Variants in RPS6KA2 observed in about 807,000 individuals in gnomAD.
RPS6KA2 encodes the protein ribosomal protein S6 kinase A2.
In RPS6KA2, 42 loss-of-function variants were observed where a neutral mutation model predicts 91.8. That is an observed-to-expected ratio of 0.46 (90% CI 0.36 to 0.59). The LOEUF is 0.59. RPS6KA2 is among the 20% of genes least tolerant of loss of function. The probability of loss-of-function intolerance (pLI) is 0.00; values close to 1 mark genes in which losing one functional copy is unlikely to be tolerated. For synonymous variants in RPS6KA2, 414 were observed against 393.6 expected, an observed-to-expected ratio of 1.05 and a Z score of -0.61; for missense variants, 798 against 978.5, an observed-to-expected ratio of 0.82 and a Z score of 2.46.
At chr6:166,781,556 G>T (rs545174268) in intron 2 of RPS6KA2, among the ~76,000 whole-genome samples, 1 of 152,098 alleles carries the variant, frequency 6.6e-6, no homozygotes, top group South Asian at 2.1e-4. Flanking sequence ...ACCCAGGACT[G>T]CATGCATGCA....
chr6:166,634,525 G>A (rs1027829414), intron 2 of RPS6KA2, among the ~76,000 whole-genome samples: 3 of 152,174 alleles, frequency 2.0e-5, no homozygotes, highest in African/African-American at 7.2e-5. Flanking sequence ...TTGCAAAACT[G>A]TCAGGTTTTA....
chr6:166,652,187 G>A (rs1787874349), intron 2 of RPS6KA2, among the ~76,000 whole-genome samples: 2 of 152,252 alleles, frequency 1.3e-5, no homozygotes, highest in Admixed American at 6.5e-5. Flanking sequence ...CATGTGGCAT[G>A]AGCCATTCGC....
Position 166,412,535 on chromosome 6 carries a change from C to T in RPS6KA2, c.*227G>A, listed in dbSNP as rs1474996718. On this transcript the variant is annotated 3_prime_UTR_variant, in exon 21 of 21. Coordinates refer to ENST00000265678, the MANE Select transcript of RPS6KA2 (RefSeq NM_021135.6). This position sits in a 1 kb window ranked among gnomAD's most constrained non-coding sequence, Gnocchi z 4.3. ...AGGTGAAGGGGCGCATTTGGTTTCG[C>T]TTGGGAGAAAAGAGAGCGGGCGGGG... 1.4e-5 allele frequency: 6 copies of T among 415,768 alleles called. No individual in the cohort carries two copies. The highest frequency in any genetic ancestry group is 2.5e-5 in the Non-Finnish European group (6 of 235,516). The allele number at this position is 415,768 out of a possible 1,614,324, so 25.8% of individuals were successfully genotyped here. A position where few individuals can be genotyped will look rare whatever the true frequency, so the allele number is the denominator to read the frequency against.
intron 14 of RPS6KA2, among the ~76,000 whole-genome samples, chr6:166,438,023 A>G (rs1455197097): frequency 1.3e-5 from 2 of 152,032 alleles, no homozygotes; most frequent in Non-Finnish European, 2.9e-5. Flanking sequence ...CTTGCAGAAC[A>G]CTCCCACTAG....
rs967805528 is a variant in RPS6KA2 at position 166,796,361 on chromosome 6, C to A, written c.123+61839G>T. Reference sequence around the variant, plus strand: ...ATCCCAGCACTTTGGGAGGCCGAGGCGGGCGGATCACGAGGTCAAGAGATA... The same window carrying A: ...ATCCCAGCACTTTGGGAGGCCGAGGAGGGCGGATCACGAGGTCAAGAGATA... On this transcript the variant is annotated intron_variant, in intron 2 of 21. Coordinates refer to the RPS6KA2 transcript ENST00000503859. Among the ~76,000 whole-genome samples, 3 of 152,248 alleles carry A rather than the reference C, an allele frequency of 2.0e-5. 1 individual carries two copies. The highest frequency in any genetic ancestry group is 4.4e-5 in the Non-Finnish European group (3 of 68,008).
chr6:166,451,331 C>T, intron 12 of RPS6KA2, 98 bp from the exon 13 acceptor site: 1 of 1,153,426 alleles, frequency 8.7e-7, no homozygotes, highest in Non-Finnish European at 1.2e-6. Flanking sequence ...GTGTGCAAGT[C>T]CGTGTGTGTG....
At chr6:166,562,289 C>T (rs905802030) in intron 1 of RPS6KA2, among the ~76,000 whole-genome samples, 4 of 152,124 alleles carry the variant, frequency 2.6e-5, no homozygotes, top group Non-Finnish European at 4.4e-5. Flanking sequence ...GTACCTACCT[C>T]GTGGAGTTAA....
At chr6:166,568,576 C>T (rs1170959330) in intron 1 of RPS6KA2, among the ~76,000 whole-genome samples, 2 of 125,210 alleles carry the variant, frequency 1.6e-5, no homozygotes, top group East Asian at 5.1e-4. Context: ...CGAGATTGCG[C>T]CATCGCACTC....
At chr6:166,756,170 G>T (rs1247473945) in intron 2 of RPS6KA2, among the ~76,000 whole-genome samples, 1 of 152,014 alleles carries the variant, frequency 6.6e-6, no homozygotes, top group African/African-American at 2.4e-5. Flanking sequence ...GGAGCCTGTA[G>T]TCCCAGCTAC....
chr6:166,805,368 A>T (rs1275241677), intron 2 of RPS6KA2, among the ~76,000 whole-genome samples: 3 of 152,182 alleles, frequency 2.0e-5, no homozygotes, highest in African/African-American at 7.2e-5. Context: ...CATTGTTGCA[A>T]GGCCCTGTCC....
intron 2 of RPS6KA2, among the ~76,000 whole-genome samples, chr6:166,703,953 G>A (rs1562392091): frequency 6.6e-6 from 1 of 152,172 alleles, no homozygotes; most frequent in Non-Finnish European, 1.5e-5. Context: ...TATTTTATAA[G>A]ACAATTTCAA....
chr6:166,569,887 A>G (rs1157433322), intron 1 of RPS6KA2, among the ~76,000 whole-genome samples: 1 of 152,118 alleles, frequency 6.6e-6, no homozygotes, highest in East Asian at 1.9e-4. Flanking sequence ...TGAAACTTAC[A>G]TCCCAATTCT....
At chr6:166,679,686 T>C (rs1048218336) in intron 2 of RPS6KA2, among the ~76,000 whole-genome samples, 2 of 152,220 alleles carry the variant, frequency 1.3e-5, no homozygotes, top group Admixed American at 1.3e-4. Flanking sequence ...AGCCCGCTGC[T>C]GTGCTGTGGG....
chr6:166,438,129 T>A (rs946075881), intron 14 of RPS6KA2, among the ~76,000 whole-genome samples: 1 of 152,224 alleles, frequency 6.6e-6, no homozygotes, highest in African/African-American at 2.4e-5. Context: ...AACAGACACC[T>A]TCTCCTGTAA....
chr6:166,427,031 A>ACAT (rs1184013440), intron 16 of RPS6KA2, among the ~76,000 whole-genome samples: 1 of 152,016 alleles, frequency 6.6e-6, no homozygotes, highest in Non-Finnish European at 1.5e-5. Flanking sequence ...TCCTTGATGA[A>ACAT]CATTGATGCA....
intron 1 of RPS6KA2, among the ~76,000 whole-genome samples, chr6:166,576,947 T>C (rs1562590407): frequency 7.5e-6 from 1 of 132,764 alleles, no homozygotes. Flanking sequence ...GTCCCAGAGC[T>C]GTGTGCAGCC....
intron 5 of RPS6KA2, among the ~76,000 whole-genome samples, chr6:166,504,999 C>T (rs890396103): frequency 1.1e-4 from 16 of 152,190 alleles, no homozygotes; most frequent in Admixed American, 2.6e-4. Context: ...ACAAGTAAGA[C>T]GCTGAGGGCT....
intron 2 of RPS6KA2, among the ~76,000 whole-genome samples, chr6:166,743,750 TAAC>T (rs1213007268): frequency 6.6e-6 from 1 of 152,136 alleles, no homozygotes; most frequent in Admixed American, 6.5e-5. Context: ...CGTAGAACGT[TAAC>T]AAACCAGGCC....
chr6:166,690,846 G>A (rs986721770), intron 2 of RPS6KA2, among the ~76,000 whole-genome samples: 2 of 152,106 alleles, frequency 1.3e-5, no homozygotes, highest in African/African-American at 4.8e-5. Flanking sequence ...GGAAATCTCT[G>A]ACCACGGAGA....
Sources: gnomAD v4.1 joint callset for allele counts (sites outside exome capture counted in the v4.1 genomes callset) on GRCh38, gnomAD v4.1.1 for gene constraint, Gnocchi (gnomAD v3.1) non-coding constraint, MANE v1.5 for transcripts, NCBI Gene and HGNC (gene_info 2026-07-23, HGNC 2026-07-21) for gene names.